KCNIP1: variants seen among roughly 807,000 people sequenced by gnomAD.
The protein encoded by KCNIP1 is A-type potassium channel modulatory protein KCNIP1.
Under a neutral mutation model 33.0 loss-of-function variants are expected in KCNIP1, and 18 were observed. That is an observed-to-expected ratio of 0.55 (90% CI 0.38 to 0.81). KCNIP1 has a LOEUF of 0.81. Ranked by LOEUF, KCNIP1 falls within the 30% of genes least tolerant of loss-of-function variation. The pLI, the probability that KCNIP1 is intolerant of heterozygous loss-of-function variation, is 0.00. For missense variants in KCNIP1, 238 were observed against 271.6 expected, an observed-to-expected ratio of 0.88 and a Z score of 0.87; for synonymous variants, 93 against 98.3, an observed-to-expected ratio of 0.95 and a Z score of 0.32.
chr5:170,406,132 A>G (rs1393430211), intron 1 of KCNIP1, among the ~76,000 whole-genome samples: 1 of 152,204 alleles, frequency 6.6e-6, no homozygotes, highest in Non-Finnish European at 1.5e-5. Context: ...TTCCTCCTAG[A>G]TAACAAGCTT....
At chr5:170,595,300 G>A (rs1199711450) in intron 1 of KCNIP1, among the ~76,000 whole-genome samples, 2 of 152,238 alleles carry the variant, frequency 1.3e-5, no homozygotes, top group Admixed American at 6.5e-5. Context: ...TTAGGATGAC[G>A]GCTCCTTGGA....
At chr5:170,611,354 C>T (rs968064525) in intron 1 of KCNIP1, among the ~76,000 whole-genome samples, 1 of 152,200 alleles carries the variant, frequency 6.6e-6, no homozygotes, top group African/African-American at 2.4e-5. Flanking sequence ...TGGTGCTGCT[C>T]ATTTCTCTCC....
intron 1 of KCNIP1, among the ~76,000 whole-genome samples, chr5:170,498,436 A>G (rs1757351857): frequency 6.6e-6 from 1 of 152,120 alleles, no homozygotes. Context: ...CTGAAGATCT[A>G]TATGTCCTAT....
At chr5:170,378,663 C>G in intron 1 of KCNIP1, 2 of 1,553,644 alleles carry the variant, frequency 1.3e-6, no homozygotes, top group Non-Finnish European at 1.7e-6. Flanking sequence ...CCCAGCCAGT[C>G]CCCTGTGCCC....
At chr5:170,518,046 ATGGTGGTGTGGTCATAATGATAGTGATGG>A in intron 1 of KCNIP1, among the ~76,000 whole-genome samples, 1 of 151,142 alleles carries the variant, frequency 6.6e-6, no homozygotes, top group South Asian at 2.1e-4. Context: ...AATAGTAATG[ATGGTGGTGTGGTCATAATGATAGTGATGG>A]TGGTGGTGTG....
At chr5:170,384,546 A>G (rs923051501) in intron 1 of KCNIP1, among the ~76,000 whole-genome samples, 1 of 152,180 alleles carries the variant, frequency 6.6e-6, no homozygotes, top group Admixed American at 6.5e-5. Flanking sequence ...TCATCAACAT[A>G]TTAGTAAATC....
intron 1 of KCNIP1, among the ~76,000 whole-genome samples, chr5:170,546,115 G>T (rs193062653): frequency 7.9e-5 from 12 of 152,338 alleles, no homozygotes; most frequent in Admixed American, 7.2e-4. Context: ...TTCCTTGTGT[G>T]GTCTTCATGG....
At chr5:170,644,836 G>A (rs1318453394) in intron 1 of KCNIP1, among the ~76,000 whole-genome samples, 2 of 152,204 alleles carry the variant, frequency 1.3e-5, no homozygotes, top group African/African-American at 4.8e-5. Flanking sequence ...GCTGAGATGG[G>A]CAACTCTCAG....
chr5:170,493,141 T>A (rs1005515895), intron 1 of KCNIP1, among the ~76,000 whole-genome samples: 1 of 152,168 alleles, frequency 6.6e-6, no homozygotes, highest in Non-Finnish European at 1.5e-5. Context: ...CCCACTTGGT[T>A]TCTGTGGTAG....
At chr5:170,691,628 T>G (rs1312785041) in intron 1 of KCNIP1, among the ~76,000 whole-genome samples, 1 of 152,202 alleles carries the variant, frequency 6.6e-6, no homozygotes, top group Non-Finnish European at 1.5e-5. Flanking sequence ...AGAGAGGGAA[T>G]GACTTGCCTA....
chr5:170,585,376 A>G (rs924330661), intron 1 of KCNIP1, among the ~76,000 whole-genome samples: 2 of 152,096 alleles, frequency 1.3e-5, no homozygotes, highest in African/African-American at 4.8e-5. Context: ...CCTACAGTGG[A>G]AGAAATGTGA....
chr5:170,714,155 A>C (rs1763558780), intron 1 of KCNIP1, among the ~76,000 whole-genome samples: 1 of 152,208 alleles, frequency 6.6e-6, no homozygotes, highest in African/African-American at 2.4e-5. Context: ...GGGTCACCTC[A>C]CTGGCGAGAA....
intron 1 of KCNIP1, among the ~76,000 whole-genome samples, chr5:170,419,544 T>A (rs1388208061): frequency 6.6e-6 from 1 of 152,096 alleles, no homozygotes; most frequent in Non-Finnish European, 1.5e-5. Context: ...GAGCTTGGAG[T>A]CAGAAATTAT....
intron 1 of KCNIP1, among the ~76,000 whole-genome samples, chr5:170,534,301 G>T (rs1387373259): frequency 1.3e-5 from 2 of 152,152 alleles, no homozygotes; most frequent in East Asian, 3.9e-4. Flanking sequence ...TCTGTGGTTT[G>T]TCCCCATAGG....
chr5:170,625,065 AT>A (rs1019922910), intron 1 of KCNIP1, among the ~76,000 whole-genome samples: 1 of 151,930 alleles, frequency 6.6e-6, no homozygotes, highest in African/African-American at 2.4e-5. Flanking sequence ...TGAACATCCC[AT>A]GTCCCCAGCC....
chr5:170,361,977 C>T (rs1035621868), intron 1 of KCNIP1, among the ~76,000 whole-genome samples: 14 of 152,200 alleles, frequency 9.2e-5, no homozygotes, highest in Non-Finnish European at 1.9e-4. Flanking sequence ...GGGCTTCAGT[C>T]TCTTCATCTC....
At chr5:170,605,381 T>C (rs1011583566) in intron 1 of KCNIP1, among the ~76,000 whole-genome samples, 1 of 152,254 alleles carries the variant, frequency 6.6e-6, no homozygotes, top group Non-Finnish European at 1.5e-5. Context: ...AGGGAAAGGA[T>C]TGGATATACT....
chr5:170,582,230 T>C (rs1757821118), intron 1 of KCNIP1, among the ~76,000 whole-genome samples: 1 of 152,216 alleles, frequency 6.6e-6, no homozygotes, highest in Admixed American at 6.5e-5. Context: ...ATAGAGCAGA[T>C]GACAGTTGAT....
Position 170,570,979 on chromosome 5 carries a change from A to C in KCNIP1, c.61+66346A>C, listed in dbSNP as rs4330473. On this transcript the variant is annotated intron_variant, in intron 1 of 7. Coordinates refer to ENST00000328939, the MANE Select transcript of KCNIP1 (RefSeq NM_014592.4). Reference sequence around the variant, plus strand: ...GAGGAAACTGAGGCTAAAAAATGATAAGTAGTGTCCCAAAGCCAATCAAAA... The same window carrying C: ...GAGGAAACTGAGGCTAAAAAATGATCAGTAGTGTCCCAAAGCCAATCAAAA... 5.1e-3 allele frequency among the ~76,000 whole-genome samples: 781 copies of C among 152,356 alleles called. 15 individuals carry two copies. The highest frequency in any genetic ancestry group is 0.04 in the East Asian group (209 of 5,190).
Sources: gnomAD v4.1 joint callset for allele counts (sites outside exome capture counted in the v4.1 genomes callset) on GRCh38, gnomAD v4.1.1 for gene constraint, MANE v1.5 for transcripts, NCBI Gene and HGNC (gene_info 2026-07-23, HGNC 2026-07-21) for gene names.